NUDCD1: variants seen among roughly 807,000 people sequenced by gnomAD.
NUDCD1 encodes nudC domain-containing protein 1.
NUDCD1 carries 60 observed loss-of-function variants against 67.8 expected under a neutral mutation model. The observed-to-expected ratio is 0.88, with a 90% CI of 0.72 to 1.10. NUDCD1 has a LOEUF of 1.10. Among genes scored for constraint, NUDCD1 ranks in the 50% least tolerant of loss-of-function variants. The pLI is 0.00. For synonymous variants in NUDCD1, 244 were observed against 230.8 expected (o/e 1.06, Z -0.52); for missense variants, 643 against 695.0 (o/e 0.93, Z 0.84).
intron 7 of NUDCD1, among the ~76,000 whole-genome samples, chr8:109,274,842 G>A (rs915269631): frequency 5.3e-5 from 8 of 152,156 alleles, no homozygotes; most frequent in South Asian, 2.1e-4. Flanking sequence ...GATCTTACAC[G>A]TCATGAGAGT....
At chr8:109,262,246 T>C (rs1235266595) in intron 8 of NUDCD1, among the ~76,000 whole-genome samples, 2 of 152,376 alleles carry the variant, frequency 1.3e-5, no homozygotes, top group East Asian at 3.9e-4. Flanking sequence ...CCTTTCCAAA[T>C]GTTAATGCCC....
At chr8:109,311,559 G>GTGTGTGTATATA in intron 2 of NUDCD1, among the ~76,000 whole-genome samples, 21 of 125,106 alleles carry the variant, frequency 1.7e-4, no homozygotes, top group South Asian at 9.3e-4. Flanking sequence ...AAACTGTGGT[G>GTGTGTGTATATA]TATATATATA....
At chr8:109,248,488 C>A (rs1182165377) in intron 8 of NUDCD1, among the ~76,000 whole-genome samples, 1 of 151,880 alleles carries the variant, frequency 6.6e-6, no homozygotes, top group African/African-American at 2.4e-5. Flanking sequence ...ATATCTTCAC[C>A]AAGGCTAATC....
intron 5 of NUDCD1, among the ~76,000 whole-genome samples, chr8:109,287,646 A>T (rs188206815): frequency 2.0e-5 from 3 of 152,152 alleles, no homozygotes; most frequent in Non-Finnish European, 4.4e-5. Context: ...TAGAGGGGGT[A>T]GAAAGGGTTG....
chr8:109,325,534 C>T (rs192181190), intron 1 of NUDCD1, among the ~76,000 whole-genome samples: 1 of 152,246 alleles, frequency 6.6e-6, no homozygotes, highest in African/African-American at 2.4e-5. Flanking sequence ...CACTCCTCTA[C>T]TTTTCCAGAC....
intron 2 of NUDCD1, among the ~76,000 whole-genome samples, chr8:109,317,786 T>C (rs1815435548): frequency 6.6e-6 from 1 of 152,216 alleles, no homozygotes; most frequent in Admixed American, 6.5e-5. Context: ...ATTTGCATAA[T>C]GCCTTCCACT....
chr8:109,309,141 G>C (rs1781999916), intron 2 of NUDCD1, among the ~76,000 whole-genome samples: 1 of 152,032 alleles, frequency 6.6e-6, no homozygotes, highest in Non-Finnish European at 1.5e-5. Flanking sequence ...ACCACAACCA[G>C]GAAAGGACAT....
intron 8 of NUDCD1, among the ~76,000 whole-genome samples, chr8:109,247,681 A>AT (rs148126304): frequency 0.024 from 3,692 of 151,840 alleles, 138 homozygotes; most frequent in African/African-American, 0.084. Flanking sequence ...GACTCCTTGT[A>AT]TTTTTTTTAC....
chr8:109,256,980 A>G (rs1813755706), intron 8 of NUDCD1, among the ~76,000 whole-genome samples: 1 of 152,126 alleles, frequency 6.6e-6, no homozygotes, highest in Admixed American at 6.5e-5. Context: ...TGATAAAGAA[A>G]AAAAAAACTC....
chr8:109,299,136 T>C lies in NUDCD1; in HGVS notation c.274-2567A>G, dbSNP rs1327819478. Among the ~76,000 whole-genome samples, 6 of 152,170 alleles carry C rather than the reference T, an allele frequency of 3.9e-5. No individual in the cohort carries two copies. In the East Asian group the frequency reaches 1.2e-3, roughly 29 times the overall value. On this transcript the variant is annotated intron_variant, in intron 2 of 9. Coordinates refer to ENST00000239690, the MANE Select transcript of NUDCD1 (RefSeq NM_032869.4). ...GGTTCCCTAACAAACCATTTCTGCC[T>C]GTCCTCACAGGGGTCCTTCGGGAGG...
In NUDCD1 at chr8:109,241,898, T is replaced by TA; in HGVS notation, c.*1110dup. 1 of 392,788 alleles carries TA rather than the reference T, an allele frequency of 2.5e-6. No individual in the cohort carries two copies. Among genetic ancestry groups the TA allele is most frequent in the East Asian group, 3.6e-5 (1 of 27,784 alleles). 24.3% of individuals were successfully genotyped at this position (392,788 alleles called of 1,614,324 possible). ...ATATAAGATACATATCTTGAAATGG[T>TA]ATAAAAAGTAATAAAAATTTCCAGG... On this transcript the variant is annotated 3_prime_UTR_variant, in exon 10 of 10. Transcript: ENST00000239690.
chr8:109,270,048 A>G (rs1211219076), intron 8 of NUDCD1, among the ~76,000 whole-genome samples: 1 of 61,654 alleles, frequency 1.6e-5, no homozygotes, highest in South Asian at 7.5e-4. Flanking sequence ...AAAAGAGTGT[A>G]ATTTTGAGGT....
intron 9 of NUDCD1, 62 bp from the exon 10 acceptor site, chr8:109,243,363 T>C: frequency 1.5e-6 from 2 of 1,306,662 alleles, no homozygotes; most frequent in African/African-American, 3.0e-5. Flanking sequence ...GGAAAAATGA[T>C]GATTTAACAT....
chr8:109,306,358 G>T (rs917405851), intron 2 of NUDCD1, among the ~76,000 whole-genome samples: 1 of 151,928 alleles, frequency 6.6e-6, no homozygotes, highest in Non-Finnish European at 1.5e-5. Context: ...CCTCTCCCCA[G>T]CTATCTCTGC....
chr8:109,326,934 A>G (rs1267109695), intron 1 of NUDCD1, among the ~76,000 whole-genome samples: 1 of 152,238 alleles, frequency 6.6e-6, no homozygotes, highest in Non-Finnish European at 1.5e-5. Flanking sequence ...CTCAAAATAC[A>G]CTATTACTTG....
At position 109,328,378 on chromosome 8, in the gene NUDCD1, T is replaced by C. The variant is rs140264134; in HGVS notation, c.118+5515A>G. Among the ~76,000 whole-genome samples, 336 of 152,130 alleles carry C rather than the reference T, an allele frequency of 2.2e-3. 2 individuals are homozygous for C. The highest frequency in any genetic ancestry group is 7.5e-3 in the African/African-American group (312 of 41,502). ...CAGAGTTGACTTCAACCTCCTTGAG[T>C]TGAAGAAACTAGGCTACTACTCTGT... On this transcript the variant is annotated intron_variant, in intron 1 of 9. Coordinates refer to ENST00000239690, the MANE Select transcript of NUDCD1 (RefSeq NM_032869.4).
intron 8 of NUDCD1, among the ~76,000 whole-genome samples, chr8:109,266,392 A>ATT (rs71305931): frequency 0.1 from 8,943 of 87,300 alleles, 457 homozygotes; most frequent in Middle Eastern, 0.15. Flanking sequence ...TGCCCGGCTA[A>ATT]TTTTTTTTTT....
intron 1 of NUDCD1, among the ~76,000 whole-genome samples, chr8:109,323,034 T>A (rs1815579681): frequency 6.6e-6 from 1 of 152,184 alleles, no homozygotes; most frequent in Non-Finnish European, 1.5e-5. Context: ...GATCTCCTAC[T>A]TACAGAACAG....
intron 8 of NUDCD1, among the ~76,000 whole-genome samples, chr8:109,248,408 G>A (rs1211850272): frequency 6.6e-6 from 1 of 152,132 alleles, no homozygotes; most frequent in Non-Finnish European, 1.5e-5. Context: ...CTAGAAGTCT[G>A]CCCTTTTTTC....
Sources: gnomAD v4.1 joint callset for allele counts (sites outside exome capture counted in the v4.1 genomes callset) on GRCh38, gnomAD v4.1.1 for gene constraint, MANE v1.5 for transcripts, NCBI Gene and HGNC (gene_info 2026-07-23, HGNC 2026-07-21) for gene names.